The following VTI1A variants were observed in gnomAD, a reference collection of about 807,000 sequenced individuals.
VTI1A encodes vesicle transport through interaction with t-SNAREs homolog 1A.
Under a neutral mutation model 34.9 loss-of-function variants are expected in VTI1A, and 22 were observed. That is an observed-to-expected ratio of 0.63 (90% CI 0.45 to 0.90). The LOEUF (loss-of-function observed/expected upper bound fraction) is 0.90. Among genes scored for constraint, VTI1A ranks in the 40% least tolerant of loss-of-function variants. The pLI is 0.00. For synonymous variants in VTI1A, 87 were observed against 97.3 expected (o/e 0.89, Z 0.62); for missense variants, 268 against 275.6 (o/e 0.97, Z 0.20).
intron 5 of VTI1A, among the ~76,000 whole-genome samples, chr10:112,638,458 A>G (rs1846445264): frequency 6.6e-6 from 1 of 152,224 alleles, no homozygotes; most frequent in South Asian, 2.1e-4. Flanking sequence ...ACATTTACTT[A>G]TTTTAACTTA....
At chr10:112,503,083 G>T (rs932575869) in intron 3 of VTI1A, among the ~76,000 whole-genome samples, 1 of 152,080 alleles carries the variant, frequency 6.6e-6, no homozygotes, top group Non-Finnish European at 1.5e-5. Flanking sequence ...GACTTGGGAT[G>T]TCCATCACCT....
At chr10:112,796,929 C>T (rs1044631182) in intron 7 of VTI1A, among the ~76,000 whole-genome samples, 1 of 152,116 alleles carries the variant, frequency 6.6e-6, no homozygotes, top group African/African-American at 2.4e-5. Flanking sequence ...AAAATTATCT[C>T]ATGAACTGGT....
intron 3 of VTI1A, among the ~76,000 whole-genome samples, chr10:112,522,860 TG>T (rs1171320714): frequency 6.6e-6 from 1 of 152,138 alleles, no homozygotes; most frequent in East Asian, 1.9e-4. Flanking sequence ...ACAATGTGGC[TG>T]GTCTGATGAT....
chr10:112,515,343 ATAT>A (rs1406444144), intron 3 of VTI1A, among the ~76,000 whole-genome samples: 2 of 151,908 alleles, frequency 1.3e-5, no homozygotes, highest in African/African-American at 2.4e-5. Context: ...ATGAGTAGAC[ATAT>A]TATTTTCAAT....
chr10:112,664,714 C>T (rs1208864854), intron 5 of VTI1A, among the ~76,000 whole-genome samples: 1 of 152,130 alleles, frequency 6.6e-6, no homozygotes, highest in East Asian at 1.9e-4. Flanking sequence ...GGCTATGGAT[C>T]AAGGATATGA....
intron 4 of VTI1A, among the ~76,000 whole-genome samples, chr10:112,533,224 A>G (rs1442660475): frequency 6.6e-6 from 1 of 152,064 alleles, no homozygotes; most frequent in African/African-American, 2.4e-5. Flanking sequence ...TTTCTTTATA[A>G]TATAGACTTC....
chr10:112,479,213 A>G (rs771034998), intron 3 of VTI1A, among the ~76,000 whole-genome samples: 1 of 152,192 alleles, frequency 6.6e-6, no homozygotes, highest in South Asian at 2.1e-4. Context: ...ACTAGGCCGG[A>G]CACTGGCCTA....
At chr10:112,625,165 C>T (rs1450061655) in intron 5 of VTI1A, among the ~76,000 whole-genome samples, 1 of 152,096 alleles carries the variant, frequency 6.6e-6, no homozygotes, top group Non-Finnish European at 1.5e-5. Flanking sequence ...TGGGGGGTAA[C>T]CTTTGTGGCT....
At chr10:112,656,911 A>G (rs1847250206) in intron 5 of VTI1A, among the ~76,000 whole-genome samples, 1 of 152,072 alleles carries the variant, frequency 6.6e-6, no homozygotes, top group Non-Finnish European at 1.5e-5. Flanking sequence ...CATCCCCTCA[A>G]TGCCATTCTC....
chr10:112,676,041 A>C (rs1848014476), intron 7 of VTI1A, among the ~76,000 whole-genome samples: 1 of 152,214 alleles, frequency 6.6e-6, no homozygotes, highest in African/African-American at 2.4e-5. Context: ...TGTTATTATC[A>C]TTATCGTCAT....
chr10:112,481,037 A>T (rs1448542425), intron 3 of VTI1A, among the ~76,000 whole-genome samples: 1 of 152,196 alleles, frequency 6.6e-6, no homozygotes, highest in African/African-American at 2.4e-5. Flanking sequence ...ATTAGACGCT[A>T]TTGAAAGGTT....
intron 7 of VTI1A, among the ~76,000 whole-genome samples, chr10:112,740,046 C>T (rs1850638528): frequency 6.6e-6 from 1 of 152,160 alleles, no homozygotes; most frequent in African/African-American, 2.4e-5. Flanking sequence ...GCTTTGAATG[C>T]CCTTTGTGAA....
At chr10:112,646,152 G>T (rs1419143897) in intron 5 of VTI1A, among the ~76,000 whole-genome samples, 2 of 151,566 alleles carry the variant, frequency 1.3e-5, no homozygotes, top group Non-Finnish European at 2.9e-5. Context: ...TATCTTGTAG[G>T]TTATCCAACT....
intron 7 of VTI1A, among the ~76,000 whole-genome samples, chr10:112,693,645 C>G (rs1323243688): frequency 2.0e-5 from 3 of 152,216 alleles, no homozygotes; most frequent in Admixed American, 2.0e-4. Context: ...TTGAAGAACT[C>G]TAACTTCCGA....
intron 7 of VTI1A, among the ~76,000 whole-genome samples, chr10:112,792,403 C>G (rs186240072): frequency 6.6e-6 from 1 of 152,164 alleles, no homozygotes; most frequent in Non-Finnish European, 1.5e-5. Context: ...GCAGAAAGTG[C>G]TCTGCCTGAG....
intron 5 of VTI1A, among the ~76,000 whole-genome samples, chr10:112,571,165 A>G (rs1250749308): frequency 6.6e-6 from 1 of 152,230 alleles, no homozygotes; most frequent in Non-Finnish European, 1.5e-5. Flanking sequence ...TCAAAATGCC[A>G]TACTGCTAGA....
chr10:112,834,998 A>G, the VTI1A span, among the ~76,000 whole-genome samples: 35 of 152,224 alleles, frequency 2.3e-4, no homozygotes, highest in Middle Eastern at 0.01. Context: ...AGTTCATCCA[A>G]CTGAAAATGG....
At chr10:112,762,244 G>A (rs1241605120) in intron 7 of VTI1A, among the ~76,000 whole-genome samples, 2 of 152,188 alleles carry the variant, frequency 1.3e-5, no homozygotes, top group African/African-American at 4.8e-5. Flanking sequence ...GCTAGAGCCA[G>A]TGTTTCAGAT....
intron 3 of VTI1A, among the ~76,000 whole-genome samples, chr10:112,504,501 CT>C (rs79889646): frequency 0.29 from 43,129 of 150,036 alleles, 6,804 homozygotes; most frequent in East Asian, 0.71. Context: ...CTTTTTTATT[CT>C]TTTTTTTTTA....
Sources: allele counts gnomAD v4.1 joint callset (sites outside exome capture counted in the v4.1 genomes callset), GRCh38; gene constraint gnomAD v4.1.1; transcripts MANE v1.5; gene names NCBI Gene and HGNC (gene_info 2026-07-23, HGNC 2026-07-21).